The following HERC3 variants were observed in gnomAD, a reference collection of about 807,000 sequenced individuals.
HERC3 encodes HECT and RLD domain containing E3 ubiquitin protein ligase 3.
In HERC3, 58 loss-of-function variants were observed where a neutral mutation model predicts 129.9. That is an observed-to-expected ratio of 0.45 (90% confidence interval 0.36 to 0.56). The LOEUF is 0.56. Ranked by LOEUF, HERC3 falls within the 20% of genes least tolerant of loss-of-function variation. The pLI is 0.00. For synonymous variants in HERC3, 430 were observed against 451.0 expected (o/e 0.95, Z 0.59); for missense variants, 835 against 1,244.2 (o/e 0.67, Z 4.95).
At chr4:88,545,550 A>G in the HERC3 span, among the ~76,000 whole-genome samples, 3 of 150,002 alleles carry the variant, frequency 2.0e-5, no homozygotes, top group Admixed American at 2.0e-4. Context: ...CTACCACTTC[A>G]GCATTTCGAG....
chr4:88,554,490 C>T, the HERC3 span, among the ~76,000 whole-genome samples: 1 of 152,000 alleles, frequency 6.6e-6, no homozygotes, highest in African/African-American at 2.4e-5. Context: ...TGAGGTTAAT[C>T]AGAGTTGGGC....
At position 88,605,796 on chromosome 4, in the gene HERC3, C is replaced by T; in HGVS notation, c.-28C>T. The T allele has an allele frequency of 1.3e-6, 2 of 1,564,784 alleles. No individual in the cohort carries two copies. The highest frequency in any genetic ancestry group is 1.8e-6 in the Non-Finnish European group (2 of 1,135,094). On this transcript the variant is annotated splice_region_variant and 5_prime_UTR_variant, in exon 3 of 26. Transcript: ENST00000402738. ...TAATTTTTTTAAACTCTCTCCTAGG[C>T]TACATGATTCCCTGAAAGATAAGAA...
intron 16 of HERC3, among the ~76,000 whole-genome samples, chr4:88,675,079 G>C (rs1039637891): frequency 2.6e-5 from 4 of 152,186 alleles, no homozygotes; most frequent in African/African-American, 9.7e-5. Context: ...TTGATTTTAT[G>C]TGATGATCAA....
At chr4:88,535,067 T>C in the HERC3 span, among the ~76,000 whole-genome samples, 1 of 152,210 alleles carries the variant, frequency 6.6e-6, no homozygotes, top group Non-Finnish European at 1.5e-5. Context: ...AGTTATTGCA[T>C]ATGAAAAAAA....
chr4:88,595,841 CTTTTTTTTTT>C lies in HERC3; in HGVS notation c.-30+245_-30+254del, dbSNP rs532515500. ...TGGTCTCTGCTTCAAGCACTTAATTCTTTTTTTTTTTTTTTTTTTTTTTTTTTGAGAGGGA... is the reference window on the plus strand; with the variant it reads ...TGGTCTCTGCTTCAAGCACTTAATTCTTTTTTTTTTTTTTTTTGAGAGGGA... On this transcript the variant is annotated intron_variant, in intron 2 of 25. Transcript: ENST00000402738. Among the ~76,000 whole-genome samples the C allele has an allele frequency of 1.5e-4, 12 of 80,300 alleles. No homozygotes were observed. In the South Asian group the frequency reaches 1.7e-3, roughly 11 times the overall value. The allele number at this position is 80,300 out of a possible 152,430, so 52.7% of individuals were successfully genotyped here.
chr4:88,658,461 C>G lies in HERC3; in HGVS notation c.1116C>G (p.Asp372Glu). 1 of 1,605,390 alleles carries G rather than the reference C, an allele frequency of 6.2e-7. No individual in the cohort carries two copies. The highest frequency in any genetic ancestry group is 8.5e-7 in the Non-Finnish European group (1 of 1,174,186). ...TTAAGCAGATCTTCTCTGGAGGAGA[C>G]CAGACTTTTGTACTTTGCTCCAAAT... ...HIVKQIFSGG[D>E]QTFVLCSKYE... Residue 372 changes from aspartate (D) to glutamate (E), a missense_variant, in exon 10 of 26, where the codon GAC becomes GAG. Asp to Glu is a conservative substitution (Grantham distance 45, BLOSUM62 2). Coordinates refer to ENST00000402738, the MANE Select transcript of HERC3 (RefSeq NM_014606.3).
At chr4:88,689,899 C>T (rs769277184) in intron 23 of HERC3, 18 of 688,698 alleles carry the variant, frequency 2.6e-5, no homozygotes, top group Admixed American at 2.5e-4. Flanking sequence ...TTTTAACAAA[C>T]GACTCGAAGC....
intron 23 of HERC3, chr4:88,693,427 G>A (rs918997489): frequency 5.1e-6 from 5 of 971,330 alleles, no homozygotes; most frequent in Admixed American, 6.2e-5. Context: ...GAAACATGGT[G>A]TGTATTCTTT....
intron 21 of HERC3, among the ~76,000 whole-genome samples, chr4:88,684,155 T>C (rs1437473245): frequency 6.6e-6 from 1 of 152,202 alleles, no homozygotes; most frequent in Non-Finnish European, 1.5e-5. Context: ...AGAGCCCATA[T>C]AGCCAAGACA....
At chr4:88,681,679 A>C (rs1438080349) in intron 21 of HERC3, among the ~76,000 whole-genome samples, 1 of 152,112 alleles carries the variant, frequency 6.6e-6, no homozygotes, top group African/African-American at 2.4e-5. Context: ...TTCTTTCTTT[A>C]ATTAAACTGT....
At position 88,652,930 on chromosome 4, in the gene HERC3, C is replaced by T; in HGVS notation, c.525C>T (p.Phe175=). The change falls in exon 6 of 26, where the codon TTC becomes TTT. Residue 175 remains phenylalanine, a synonymous_variant. Transcript: ENST00000402738. ...GGCAGCTTGGCTTAGGGAAGGAGTTCCCCTCCCAAGCCAGCCCACAGAGGG... is the reference window on the plus strand; with the variant it reads ...GGCAGCTTGGCTTAGGGAAGGAGTTTCCCTCCCAAGCCAGCCCACAGAGGG... ...SHGQLGLGKE[F]PSQASPQRVR... is the part of the protein sequence containing the mutation. The T allele has an allele frequency of 1.2e-6, 2 of 1,613,960 alleles. No individual in the cohort carries two copies. The highest frequency in any genetic ancestry group is 1.7e-6 in the Non-Finnish European group (2 of 1,180,016).
chr4:88,577,591 G>A, the HERC3 span, among the ~76,000 whole-genome samples: 1 of 107,514 alleles, frequency 9.3e-6, no homozygotes, highest in Non-Finnish European at 1.7e-5. Context: ...ATGTATATAT[G>A]TGTGTATGTG....
chr4:88,687,055 C>T (rs1030284814), intron 22 of HERC3, among the ~76,000 whole-genome samples, 162 bp from the exon 23 acceptor site: 1 of 152,088 alleles, frequency 6.6e-6, no homozygotes, highest in Non-Finnish European at 1.5e-5. Flanking sequence ...GTTTTTTAAC[C>T]TGCTAATGTT....
chr4:88,612,799 C>CT (rs956236906), intron 3 of HERC3, among the ~76,000 whole-genome samples: 22 of 150,902 alleles, frequency 1.5e-4, no homozygotes, highest in East Asian at 3.9e-4. Context: ...GCCTTCCCCA[C>CT]TTTTTTTTTA....
intron 23 of HERC3, among the ~76,000 whole-genome samples, chr4:88,691,567 T>C (rs571321176): frequency 6.6e-6 from 1 of 152,332 alleles, no homozygotes; most frequent in East Asian, 1.9e-4. Flanking sequence ...ATGACTCTTA[T>C]AAGGACACCA....
At chr4:88,531,563 T>C in the HERC3 span, among the ~76,000 whole-genome samples, 1 of 152,234 alleles carries the variant, frequency 6.6e-6, no homozygotes, top group Non-Finnish European at 1.5e-5. Context: ...GCTTGAAATC[T>C]GTGGCAGCTG....
intron 4 of HERC3, 98 bp downstream of exon 4, chr4:88,650,097 T>C (rs1729113681): frequency 7.8e-7 from 1 of 1,273,960 alleles, no homozygotes; most frequent in South Asian, 1.4e-5. Flanking sequence ...ATTTAATTGC[T>C]ATTTCCTTTG....
the HERC3 span, among the ~76,000 whole-genome samples, chr4:88,548,919 C>A: frequency 6.6e-6 from 1 of 152,310 alleles, no homozygotes; most frequent in South Asian, 2.1e-4. Context: ...CATCAGCCTC[C>A]CAAACTGCTG....
intron 16 of HERC3, among the ~76,000 whole-genome samples, chr4:88,673,861 G>T (rs541416231): frequency 8.5e-5 from 13 of 152,154 alleles, no homozygotes; most frequent in African/African-American, 2.6e-4. Flanking sequence ...ACTGAATATC[G>T]CTCCATCCTT....
Sources: allele counts gnomAD v4.1 joint callset (sites outside exome capture counted in the v4.1 genomes callset), GRCh38; gene constraint gnomAD v4.1.1; transcripts MANE v1.5; gene names NCBI Gene and HGNC (gene_info 2026-07-23, HGNC 2026-07-21).